Variants in LIMCH1 observed in about 807,000 individuals in gnomAD.
LIMCH1 encodes the protein LIM and calponin homology domains 1.
Under a neutral mutation model 176.5 loss-of-function variants are expected in LIMCH1, and 113 were observed. The observed-to-expected ratio is 0.64, with a 90% CI of 0.55 to 0.75. The LOEUF is 0.75. Among genes scored for constraint, LIMCH1 ranks in the 30% least tolerant of loss-of-function variants. The pLI, the probability that LIMCH1 is intolerant of heterozygous loss-of-function variation, is 0.00. For missense variants in LIMCH1, 1,674 were observed against 1,814.9 expected, an observed-to-expected ratio of 0.92 and a Z score of 1.41; for synonymous variants, 619 against 645.9, an observed-to-expected ratio of 0.96 and a Z score of 0.63.
chr4:41,646,805 A>G lies in LIMCH1; in HGVS notation c.2732A>G (p.Lys911Arg), dbSNP rs758360424. The G allele has an allele frequency of 4.0e-5, 65 of 1,614,186 alleles. No individual in the cohort carries two copies. Among genetic ancestry groups the G allele is most frequent in the Non-Finnish European group, 5.5e-5 (65 of 1,180,020 alleles). Residue 911 changes from lysine to arginine, a missense_variant, in exon 17 of 32, where the codon AAA becomes AGA. Physicochemically the swap from Lys to Arg is conservative, Grantham distance 26 (BLOSUM62 2). This residue lies in a region of LIMCH1 where 1,015 missense variants were observed against 1,102.5 expected (regional missense o/e 0.92). Coordinates refer to ENST00000503057, the MANE Select transcript of LIMCH1 (RefSeq NM_001330672.2). ...TCAGCAGGCAGTGGGTCTCCAAGCA[A>G]AACTGTCACTCCCAAAGCAGTGCCT... ...SMSAGSGSPSKTVTPKAVPML... is the reference protein window; with the variant it reads ...SMSAGSGSPSRTVTPKAVPML...
chr4:41,682,459 A>G lies in LIMCH1; in HGVS notation c.3844A>G (p.Ser1282Gly). ...AAGTGATCGACTGGAGGAGAAGGGCAGGTATGAGCCCATCCCAAGCCACCA... is the reference window on the plus strand; with the variant it reads ...AAGTGATCGACTGGAGGAGAAGGGCGGGTATGAGCCCATCCCAAGCCACCA... The part of the protein sequence containing the change: ...RESDRLEEKG[S>G]LTEGALAHSG... The change falls in exon 26 of 32, where the codon AGC (serine) becomes GGC (glycine). Residue 1282 changes from serine (S) to glycine (G), a missense_variant and splice_region_variant. Physicochemically the swap from Ser to Gly is moderately conservative, Grantham distance 56. This residue lies in a region of LIMCH1 where 1,015 missense variants were observed against 1,102.5 expected (regional missense o/e 0.92). Transcript: ENST00000503057. 1 of 1,612,382 alleles carries G rather than the reference A, an allele frequency of 6.2e-7. No homozygotes were observed.
intron 18 of LIMCH1, 46 bp from the exon 19 acceptor site, chr4:41,661,374 T>G (rs1480451417): frequency 1.5e-6 from 2 of 1,365,142 alleles, no homozygotes; most frequent in South Asian, 2.4e-5. Context: ...TTTTAGAACT[T>G]TTAAAGGAAT....
intron 3 of LIMCH1, among the ~76,000 whole-genome samples, chr4:41,605,655 C>G (rs1267607724): frequency 6.6e-6 from 1 of 152,198 alleles, no homozygotes; most frequent in Non-Finnish European, 1.5e-5. Context: ...CACTACCTAA[C>G]TTTCCCTAAC....
intron 5 of LIMCH1, among the ~76,000 whole-genome samples, chr4:41,617,017 A>G (rs1312655478): frequency 2.0e-5 from 3 of 152,112 alleles, no homozygotes; most frequent in Admixed American, 6.5e-5. Flanking sequence ...TGATTTGCTT[A>G]TGTTGTTAGA....
At position 41,699,638 on chromosome 4, in the gene LIMCH1, G is replaced by A. The variant is rs1414407959; in HGVS notation, c.*2453G>A. 1 of 152,184 alleles carries A rather than the reference G, an allele frequency of 6.6e-6. No individual in the cohort carries two copies. The highest frequency in any genetic ancestry group is 2.1e-4 in the South Asian group (1 of 4,830). The allele number at this position is 152,184 out of a possible 1,614,324, so 9.4% of individuals were successfully genotyped here. A position where few individuals can be genotyped will look rare whatever the true frequency, so the allele number is the denominator to read the frequency against. On this transcript the variant is annotated 3_prime_UTR_variant, in exon 32 of 32. Coordinates refer to ENST00000503057, the MANE Select transcript of LIMCH1 (RefSeq NM_001330672.2). ...TTTGTTTAAAAAACAGGTGAGGCAA[G>A]TGAGTGATTTATTGTTCCTGAGGAA...
In LIMCH1 at chr4:41,434,181, G is replaced by A. The variant is rs527515647; in HGVS notation, c.97-60355G>A. Among the ~76,000 whole-genome samples the A allele has an allele frequency of 2.6e-5, 4 of 152,334 alleles. No homozygotes were observed. The South Asian group carries it at 6.2e-4, about 24-fold the overall frequency. On this transcript the variant is annotated intron_variant, in intron 1 of 26. Coordinates refer to the LIMCH1 transcript ENST00000313860. ...ATTCTTCCAAGGGAGGTCTCAGAAG[G>A]CAGCTGAGTTAAGAGGCAGTGGGCT... is the stretch of plus-strand genomic sequence containing the variant.
At chr4:41,520,040 A>T (rs886624181) in intron 2 of LIMCH1, among the ~76,000 whole-genome samples, 1 of 152,142 alleles carries the variant, frequency 6.6e-6, no homozygotes, top group East Asian at 1.9e-4. Flanking sequence ...ATAAGCAGAA[A>T]TTTTCTATAT....
intron 1 of LIMCH1, among the ~76,000 whole-genome samples, chr4:41,597,799 C>G (rs1452694749): frequency 6.6e-6 from 1 of 152,178 alleles, no homozygotes; most frequent in Non-Finnish European, 1.5e-5. Context: ...AGAGTTATAG[C>G]CCATCATATT....
chr4:41,678,454 G>A (rs564701765), intron 23 of LIMCH1, among the ~76,000 whole-genome samples: 287 of 152,216 alleles, frequency 1.9e-3, no homozygotes, highest in Middle Eastern at 3.4e-3. Flanking sequence ...ATTGTGAGAC[G>A]TGCACCCCTG....
chr4:41,557,903 T>C (rs773640408), intron 1 of LIMCH1, among the ~76,000 whole-genome samples: 14 of 152,030 alleles, frequency 9.2e-5, no homozygotes, highest in Non-Finnish European at 1.8e-4. Flanking sequence ...TTGACACCAA[T>C]ACACACTTTT....
chr4:41,695,462 C>G (rs867396961), intron 31 of LIMCH1, among the ~76,000 whole-genome samples: 18 of 151,848 alleles, frequency 1.2e-4, no homozygotes, highest in Admixed American at 7.2e-4. Context: ...AATAACCCCT[C>G]TTTTTCTCAC....
At position 41,673,938 on chromosome 4, in the gene LIMCH1, C is replaced by T. The variant is rs141373491; in HGVS notation, c.3438+2344C>T. ...CATATGCATATATTGGTCACTTTTC[C>T]ACTCCACACACACTCAGGTGTAAGC... is the stretch of plus-strand genomic sequence containing the variant. On this transcript the variant is annotated intron_variant, in intron 22 of 31. Transcript: ENST00000503057. 5.9e-3 allele frequency among the ~76,000 whole-genome samples: 903 copies of T among 152,218 alleles called. 2 individuals are homozygous for T. Among genetic ancestry groups the T allele is most frequent in the Non-Finnish European group, 9.6e-3 (654 of 68,010 alleles).
chr4:41,401,558 A>G (rs963895097), intron 1 of LIMCH1, among the ~76,000 whole-genome samples: 5 of 152,024 alleles, frequency 3.3e-5, no homozygotes, highest in Non-Finnish European at 7.4e-5. Context: ...GTTTTTTCCA[A>G]TTCTGTGAAG....
At chr4:41,514,464 C>T (rs1208821142) in intron 2 of LIMCH1, among the ~76,000 whole-genome samples, 1 of 152,222 alleles carries the variant, frequency 6.6e-6, no homozygotes, top group South Asian at 2.1e-4. Flanking sequence ...AAGCAGTAAG[C>T]ATGTGAAAGT....
At chr4:41,627,505 G>A (rs1037523760) in intron 8 of LIMCH1, among the ~76,000 whole-genome samples, 3 of 152,140 alleles carry the variant, frequency 2.0e-5, no homozygotes, top group Non-Finnish European at 4.4e-5. Flanking sequence ...TCTTTCTTCT[G>A]TCACACCAGC....
At chr4:41,535,170 A>AG (rs1482884773), upstream of LIMCH1, among the ~76,000 whole-genome samples, 2 of 150,564 alleles carry the variant, frequency 1.3e-5, no homozygotes, top group Admixed American at 1.3e-4. Context: ...CACAAAAAAA[A>AG]AAAAAAAAAA....
chr4:41,421,811 G>C (rs1352712826), intron 1 of LIMCH1, among the ~76,000 whole-genome samples: 1 of 152,190 alleles, frequency 6.6e-6, no homozygotes, highest in African/African-American at 2.4e-5. Flanking sequence ...GGCCAGGCAT[G>C]ATAGCTCACA....
chr4:41,584,794 C>G (rs953336890), intron 1 of LIMCH1, among the ~76,000 whole-genome samples: 5 of 152,108 alleles, frequency 3.3e-5, no homozygotes, highest in Non-Finnish European at 7.3e-5. Flanking sequence ...CATCTCTATC[C>G]ATTTGTCTTA....
intron 1 of LIMCH1, among the ~76,000 whole-genome samples, chr4:41,539,380 A>G (rs1408356526): frequency 6.6e-6 from 1 of 152,096 alleles, no homozygotes; most frequent in Non-Finnish European, 1.5e-5. Flanking sequence ...GTCAAATAAA[A>G]CCGAGAGGCT....
Sources: allele counts gnomAD v4.1 joint callset (sites outside exome capture counted in the v4.1 genomes callset), GRCh38; gene constraint gnomAD v4.1.1; regional missense constraint gnomAD v4.1.1; transcripts MANE v1.5; gene names NCBI Gene and HGNC (gene_info 2026-07-23, HGNC 2026-07-21).